The following TMEM132D variants were observed in gnomAD, a reference collection of about 807,000 sequenced individuals.
TMEM132D encodes the protein mature OL transmembrane protein.
In TMEM132D, 21 loss-of-function variants were observed where a neutral mutation model predicts 62.3. The ratio of observed to expected loss-of-function variants is 0.34; its 90% CI spans 0.24 to 0.49. TMEM132D has a LOEUF of 0.49. TMEM132D is among the 20% of genes least tolerant of loss of function. TMEM132D has a pLI of 0.99. For missense variants in TMEM132D, 1,346 were observed against 1,402.8 expected, an observed-to-expected ratio of 0.96 and a Z score of 0.65; for synonymous variants, 621 against 575.6, an observed-to-expected ratio of 1.08 and a Z score of -1.13.
intron 5 of TMEM132D, among the ~76,000 whole-genome samples, chr12:129,176,646 T>C (rs1877914199): frequency 6.6e-6 from 1 of 152,230 alleles, no homozygotes; most frequent in African/African-American, 2.4e-5. Context: ...ATAATTACAG[T>C]GAATTAAAAT....
At chr12:129,531,228 G>A in intron 2 of TMEM132D, 23 bp from the exon 3 acceptor site, 1 of 1,592,234 alleles carries the variant, frequency 6.3e-7, no homozygotes, top group East Asian at 2.2e-5. Context: ...GCACGTGTGG[G>A]TCTGAGTCAG....
intron 3 of TMEM132D, among the ~76,000 whole-genome samples, chr12:129,389,132 C>T (rs143580591): frequency 0.03 from 3,260 of 107,410 alleles, 17 homozygotes; most frequent in Non-Finnish European, 0.051. Flanking sequence ...ATATTAACAC[C>T]AACACGAATC....
At chr12:129,631,535 A>G (rs913321143) in intron 2 of TMEM132D, among the ~76,000 whole-genome samples, 1 of 152,252 alleles carries the variant, frequency 6.6e-6, no homozygotes, top group Non-Finnish European at 1.5e-5. Flanking sequence ...AATTCTGAGC[A>G]TCCAAACTGA....
intron 5 of TMEM132D, among the ~76,000 whole-genome samples, chr12:129,206,848 T>G (rs1214088973): frequency 6.6e-6 from 1 of 152,054 alleles, no homozygotes; most frequent in Non-Finnish European, 1.5e-5. Context: ...AATACAGGAA[T>G]AGAAAACCAA....
chr12:129,402,415 C>A (rs1871650011), intron 3 of TMEM132D, among the ~76,000 whole-genome samples: 2 of 152,304 alleles, frequency 1.3e-5, no homozygotes, highest in Non-Finnish European at 2.9e-5. Flanking sequence ...CTACAATCAT[C>A]CCTCAGAATC....
intron 3 of TMEM132D, among the ~76,000 whole-genome samples, chr12:129,367,153 A>C (rs12319167): frequency 4.6e-5 from 7 of 152,058 alleles, no homozygotes; most frequent in Non-Finnish European, 1.0e-4. Flanking sequence ...CAAGGACAAA[A>C]CATGGTGCTG....
At chr12:129,825,993 C>G (rs1178634877) in intron 1 of TMEM132D, among the ~76,000 whole-genome samples, 7 of 152,154 alleles carry the variant, frequency 4.6e-5, no homozygotes, top group African/African-American at 1.7e-4. Context: ...GCTCAGGGGG[C>G]AGAGGCTGCA....
At chr12:129,772,580 G>T (rs1870791550) in intron 1 of TMEM132D, among the ~76,000 whole-genome samples, 1 of 152,096 alleles carries the variant, frequency 6.6e-6, no homozygotes, top group South Asian at 2.1e-4. Flanking sequence ...GTCTGCAAAG[G>T]TCCCCTGAAA....
chr12:129,701,388 AAATAG>A (rs1219600698), intron 1 of TMEM132D, among the ~76,000 whole-genome samples: 1 of 152,158 alleles, frequency 6.6e-6, no homozygotes, highest in African/African-American at 2.4e-5. Context: ...GGCCCTCTAG[AAATAG>A]ATGAGATGAG....
intron 1 of TMEM132D, among the ~76,000 whole-genome samples, chr12:129,722,651 T>C (rs1351519348): frequency 6.6e-6 from 1 of 152,032 alleles, no homozygotes; most frequent in Non-Finnish European, 1.5e-5. Flanking sequence ...GTGAGCACTG[T>C]GGCTCTGTGA....
chr12:129,363,775 T>C (rs1482296), intron 3 of TMEM132D, among the ~76,000 whole-genome samples: 6,115 of 152,324 alleles, frequency 0.04, 488 homozygotes, highest in East Asian at 0.37. Context: ...ATTAATTTCT[T>C]GGTATAAATG....
intron 1 of TMEM132D, among the ~76,000 whole-genome samples, chr12:129,724,715 GT>G (rs1278574125): frequency 3.3e-5 from 5 of 151,724 alleles, no homozygotes; most frequent in Non-Finnish European, 7.4e-5. Flanking sequence ...TAGAGACGGG[GT>G]TTTGCCATGT....
chr12:129,172,946 G>A (rs954555806), intron 5 of TMEM132D, among the ~76,000 whole-genome samples: 1 of 152,172 alleles, frequency 6.6e-6, no homozygotes, highest in Non-Finnish European at 1.5e-5. Context: ...TGGGGGAATG[G>A]TGGGTTGGTG....
intron 5 of TMEM132D, among the ~76,000 whole-genome samples, chr12:129,206,345 G>A (rs1878847497): frequency 1.3e-5 from 2 of 152,200 alleles, no homozygotes; most frequent in Non-Finnish European, 1.5e-5. Flanking sequence ...ATAAGCATAT[G>A]AGAAAATGCT....
chr12:129,831,632 C>T (rs900989666), intron 1 of TMEM132D, among the ~76,000 whole-genome samples: 1 of 152,138 alleles, frequency 6.6e-6, no homozygotes, highest in Non-Finnish European at 1.5e-5. Context: ...GGAATGAATA[C>T]GCAGTTATAA....
intron 1 of TMEM132D, chr12:129,853,158 C>T (rs1873600973): frequency 6.6e-6 from 1 of 152,136 alleles, no homozygotes; most frequent in African/African-American, 2.4e-5. Context: ...GCCATTGGCA[C>T]CACCTCCCTT....
chr12:129,233,065 T>C (rs1233630301), intron 4 of TMEM132D, among the ~76,000 whole-genome samples: 1 of 152,210 alleles, frequency 6.6e-6, no homozygotes, highest in Non-Finnish European at 1.5e-5. Context: ...CCACAATGCC[T>C]CCTTTTTCAT....
chr12:129,173,460 G>GCT (rs1317733021), intron 5 of TMEM132D, among the ~76,000 whole-genome samples: 1 of 152,128 alleles, frequency 6.6e-6, no homozygotes, highest in African/African-American at 2.4e-5. Flanking sequence ...TGTCTAGCTG[G>GCT]CTCTTTTTGT....
At chr12:129,727,018 C>A (rs1869059463) in intron 1 of TMEM132D, among the ~76,000 whole-genome samples, 1 of 152,160 alleles carries the variant, frequency 6.6e-6, no homozygotes, top group African/African-American at 2.4e-5. Context: ...GGGCATGGTC[C>A]AAACACCAGA....
Sources: gnomAD v4.1 joint callset for allele counts (sites outside exome capture counted in the v4.1 genomes callset) on GRCh38, gnomAD v4.1.1 for gene constraint, MANE v1.5 for transcripts, NCBI Gene and HGNC (gene_info 2026-07-23, HGNC 2026-07-21) for gene names.